The following VGLL4 variants were observed in gnomAD, a reference collection of about 807,000 sequenced individuals.
VGLL4 encodes transcription cofactor vestigial-like protein 4.
Under a neutral mutation model 21.0 loss-of-function variants are expected in VGLL4, and 7 were observed. The ratio of observed to expected loss-of-function variants is 0.33; its 90% CI spans 0.19 to 0.63. The LOEUF (loss-of-function observed/expected upper bound fraction) is 0.63, where lower values mean the gene tolerates loss of function less well. VGLL4 is among the 20% of genes least tolerant of loss of function. The pLI is 0.78. For missense variants in VGLL4, 394 were observed against 425.7 expected (o/e 0.93, Z 0.66); for synonymous variants, 222 against 173.2 (o/e 1.28, Z -2.21).
chr3:11,587,097 G>C (rs2074378568), intron 2 of VGLL4, among the ~76,000 whole-genome samples: 1 of 152,220 alleles, frequency 6.6e-6, no homozygotes. Context: ...AGACTTTCAA[G>C]GCAAGGCCAA....
chr3:11,671,334 C>G, intron 2 of VGLL4: 1 of 1,386,414 alleles, frequency 7.2e-7, no homozygotes, highest in Non-Finnish European at 1.0e-6. Context: ...TGCGTATTCT[C>G]AGTCATCAGT....
chr3:11,721,036 CTTCCTCTGGT>C (rs1352101784), upstream of VGLL4, among the ~76,000 whole-genome samples: 1 of 152,184 alleles, frequency 6.6e-6, no homozygotes, highest in African/African-American at 2.4e-5. Flanking sequence ...AGAGACTGGA[CTTCCTCTGGT>C]TTGCTTTAAA....
intron 2 of VGLL4, among the ~76,000 whole-genome samples, chr3:11,690,239 T>C (rs1197904490): frequency 6.6e-6 from 1 of 152,230 alleles, no homozygotes; most frequent in East Asian, 1.9e-4. Flanking sequence ...CCCATCTGTT[T>C]TCAGTCTTCC....
rs188696758 is a variant in VGLL4 at position 11,577,418 on chromosome 3, C to T, written c.273-12399G>A. Among the ~76,000 whole-genome samples, 415 of 152,158 alleles carry T rather than the reference C, an allele frequency of 2.7e-3. 1 individual carries two copies. In the Middle Eastern group the frequency reaches 0.034, roughly 12 times the overall value. On this transcript the variant is annotated intron_variant, in intron 2 of 4. Coordinates refer to ENST00000430365, the MANE Select transcript of VGLL4 (RefSeq NM_001128219.3). ...TCAAGACCAGCCTGGCATGGTGAAA[C>T]CCCGTCTTTACAAAAAATACAAAAA...
chr3:11,569,406 G>A (rs1291068922), intron 2 of VGLL4, among the ~76,000 whole-genome samples: 2 of 152,226 alleles, frequency 1.3e-5, no homozygotes, highest in African/African-American at 4.8e-5. Flanking sequence ...TGAAAGAGAT[G>A]AGGCCCAGGG....
intron 2 of VGLL4, chr3:11,582,149 T>C (rs1441304047): frequency 9.6e-7 from 1 of 1,039,656 alleles, no homozygotes; most frequent in Non-Finnish European, 1.4e-6. Flanking sequence ...CTGTCCCTTC[T>C]AAGCAAAGAC....
At chr3:11,660,149 G>A (rs1469267864) in intron 2 of VGLL4, among the ~76,000 whole-genome samples, 7 of 149,496 alleles carry the variant, frequency 4.7e-5, no homozygotes, top group South Asian at 4.2e-4. Context: ...GCGACAGAGC[G>A]AGACTCCATC....
chr3:11,587,339 G>A (rs6442262), intron 2 of VGLL4, among the ~76,000 whole-genome samples: 17,528 of 152,190 alleles, frequency 0.12, 1,235 homozygotes, highest in East Asian at 0.25. Context: ...CCTACCAAGC[G>A]TAGCCATGGT....
At chr3:11,696,021 A>G (rs947191174) in intron 2 of VGLL4, among the ~76,000 whole-genome samples, 12 of 152,340 alleles carry the variant, frequency 7.9e-5, no homozygotes, top group African/African-American at 2.9e-4. Context: ...CGAAATACAT[A>G]GAGAAACAGA....
intron 1 of VGLL4, among the ~76,000 whole-genome samples, chr3:11,704,383 C>CAAAAAAAAAAAAAAAAAAAAAAAAAAA (rs57593843): frequency 1.4e-5 from 1 of 69,152 alleles, no homozygotes. Flanking sequence ...AACTCCGTCT[C>CAAAAAAAAAAAAAAAAAAAAAAAAAAA]AAAAAAAAAA....
At chr3:11,659,053 A>G (rs930505397) in intron 2 of VGLL4, among the ~76,000 whole-genome samples, 1 of 152,152 alleles carries the variant, frequency 6.6e-6, no homozygotes, top group Non-Finnish European at 1.5e-5. Context: ...TACAATTTCC[A>G]TGCCTCTAAG....
intron 1 of VGLL4, among the ~76,000 whole-genome samples, chr3:11,642,345 G>GA (rs2075709645): frequency 6.6e-6 from 1 of 152,224 alleles, no homozygotes; most frequent in South Asian, 2.1e-4. Context: ...AAATACTCTT[G>GA]AAAGGGTGAG....
chr3:11,704,157 G>A (rs1353822950), intron 1 of VGLL4, among the ~76,000 whole-genome samples: 1 of 152,104 alleles, frequency 6.6e-6, no homozygotes, highest in Non-Finnish European at 1.5e-5. Context: ...GAGGCGGGCA[G>A]GTAACCTGAG....
intron 2 of VGLL4, among the ~76,000 whole-genome samples, chr3:11,591,849 G>A (rs892684853): frequency 6.6e-6 from 1 of 152,230 alleles, no homozygotes; most frequent in Non-Finnish European, 1.5e-5. Flanking sequence ...TAATGGGAAT[G>A]GAAACACACA....
At position 11,677,909 on chromosome 3, in the gene VGLL4, C is replaced by CAAAAA. The variant is rs35366594; in HGVS notation, c.64+25057_64+25061dup. Among the ~76,000 whole-genome samples the CAAAAA allele has an allele frequency of 1.6e-3, 195 of 120,862 alleles. 2 individuals are homozygous for CAAAAA. The highest frequency in any genetic ancestry group is 6.1e-3 in the African/African-American group (190 of 30,968). 79.3% of individuals were successfully genotyped at this position (120,862 alleles called of 152,430 possible). ...GGCGACAGAGCAAGACTTCGTCTTT[C>CAAAAA]AAAAAAAAAAAAAAAAGGAAAAGAA... On this transcript the variant is annotated intron_variant, in intron 2 of 5. Coordinates refer to the VGLL4 transcript ENST00000273038.
intron 1 of VGLL4, among the ~76,000 whole-genome samples, chr3:11,623,548 A>G (rs2075302649): frequency 6.6e-6 from 1 of 152,052 alleles, no homozygotes; most frequent in African/African-American, 2.4e-5. Context: ...TCAGCTGTGT[A>G]TTCTTTCTGT....
chr3:11,656,963 C>G (rs947484936), intron 2 of VGLL4, among the ~76,000 whole-genome samples: 11 of 152,100 alleles, frequency 7.2e-5, no homozygotes. Context: ...TGCAGGGAGG[C>G]TGGGAGTAGG....
chr3:11,592,251 G>A (rs952000745), intron 2 of VGLL4, among the ~76,000 whole-genome samples: 4 of 152,180 alleles, frequency 2.6e-5, no homozygotes, highest in Admixed American at 2.0e-4. Context: ...ATTGGCTTGG[G>A]CCACTAACTT....
At chr3:11,642,066 G>T (rs1207450507) in intron 1 of VGLL4, among the ~76,000 whole-genome samples, 7 of 151,638 alleles carry the variant, frequency 4.6e-5, no homozygotes, top group African/African-American at 1.2e-4. Context: ...ACTACAATGT[G>T]TGAATGTCAC....
Sources: allele counts gnomAD v4.1 joint callset (sites outside exome capture counted in the v4.1 genomes callset), GRCh38; gene constraint gnomAD v4.1.1; transcripts MANE v1.5; gene names NCBI Gene and HGNC (gene_info 2026-07-23, HGNC 2026-07-21).